Variants in AKAP19 observed in about 807,000 individuals in gnomAD.
The protein encoded by AKAP19 is small A-kinase anchoring protein.
At chr2:190,097,879 A>AG in the AKAP19 span, among the ~76,000 whole-genome samples, 2 of 143,150 alleles carry the variant, frequency 1.4e-5, no homozygotes, top group South Asian at 4.3e-4. Context: ...AAAAAAAAAA[A>AG]AAGAAAAGAA....
At chr2:190,006,031 G>A in the AKAP19 span, among the ~76,000 whole-genome samples, 2 of 152,096 alleles carry the variant, frequency 1.3e-5, no homozygotes, top group Non-Finnish European at 2.9e-5. Context: ...TCCAGTGGAG[G>A]TGCAAGTGAG....
chr2:190,122,969 C>T, the AKAP19 span, among the ~76,000 whole-genome samples: 1 of 152,100 alleles, frequency 6.6e-6, no homozygotes, highest in East Asian at 1.9e-4. Flanking sequence ...ACCACCATGC[C>T]TGGCTAATTA....
the AKAP19 span, among the ~76,000 whole-genome samples, chr2:190,032,089 T>C: frequency 1.1e-3 from 174 of 152,318 alleles, 1 homozygote; most frequent in Non-Finnish European, 2.1e-3. Context: ...TCAAATATTC[T>C]CTTTTTTGCA....
At chr2:190,147,730 ATTTCTAAGGTTTT>A in the AKAP19 span, among the ~76,000 whole-genome samples, 2 of 106,488 alleles carry the variant, frequency 1.9e-5, no homozygotes, top group Non-Finnish European at 4.1e-5. Flanking sequence ...GGTTAGGTAT[ATTTCTAAGGTTTT>A]TTTTTTGTTG....
At chr2:189,920,569 A>G in the AKAP19 span, among the ~76,000 whole-genome samples, 9 of 152,290 alleles carry the variant, frequency 5.9e-5, no homozygotes, top group African/African-American at 1.9e-4. Flanking sequence ...ATCTTAATGG[A>G]TAAGAAGCAA....
the AKAP19 span, among the ~76,000 whole-genome samples, chr2:190,091,646 AT>A: frequency 6.6e-6 from 1 of 152,110 alleles, no homozygotes; most frequent in Non-Finnish European, 1.5e-5. Flanking sequence ...GATTGTGTAA[AT>A]TATGTCTTAA....
the AKAP19 span, among the ~76,000 whole-genome samples, chr2:190,105,851 A>T: frequency 6.6e-6 from 1 of 152,148 alleles, no homozygotes; most frequent in African/African-American, 2.4e-5. Context: ...TCTGTTTATC[A>T]CACTAAACAG....
the AKAP19 span, among the ~76,000 whole-genome samples, chr2:190,069,922 A>G: frequency 6.6e-6 from 1 of 152,212 alleles, no homozygotes; most frequent in Non-Finnish European, 1.5e-5. Flanking sequence ...TGAGGCCCAG[A>G]GAGAGGTTAT....
the AKAP19 span, among the ~76,000 whole-genome samples, chr2:189,910,153 C>T: frequency 6.6e-6 from 1 of 151,950 alleles, no homozygotes; most frequent in Non-Finnish European, 1.5e-5. Context: ...AAATGTGCAA[C>T]TACAAGTGAA....
chr2:190,010,105 G>T, the AKAP19 span, among the ~76,000 whole-genome samples: 1 of 152,108 alleles, frequency 6.6e-6, no homozygotes, highest in East Asian at 1.9e-4. Flanking sequence ...CTCTTTGTAA[G>T]AAATAAAACA....
chr2:190,170,936 C>G, the AKAP19 span, among the ~76,000 whole-genome samples: 346 of 152,250 alleles, frequency 2.3e-3, 3 homozygotes, highest in African/African-American at 7.2e-3. Context: ...GTAGCAATGT[C>G]TCAAGAATTG....
At chr2:190,115,288 T>TATATATATATATAC in the AKAP19 span, among the ~76,000 whole-genome samples, 1 of 8,634 alleles carries the variant, frequency 1.2e-4, no homozygotes, top group Non-Finnish European at 2.5e-4. Flanking sequence ...TATATATATA[T>TATATATATATATAC]ATATATATAT....
the AKAP19 span, among the ~76,000 whole-genome samples, chr2:190,155,748 T>C: frequency 3.3e-5 from 5 of 152,126 alleles, no homozygotes; most frequent in South Asian, 2.1e-4. Context: ...TTTAGAATAG[T>C]CATTGGAATA....
chr2:190,165,933 C>A, the AKAP19 span, among the ~76,000 whole-genome samples: 1 of 151,938 alleles, frequency 6.6e-6, no homozygotes, highest in Non-Finnish European at 1.5e-5. Context: ...CTTCAAAGAG[C>A]CAAGGGAACA....
the AKAP19 span, among the ~76,000 whole-genome samples, chr2:190,135,688 T>C: frequency 6.6e-6 from 1 of 152,206 alleles, no homozygotes; most frequent in East Asian, 1.9e-4. Context: ...TTTCCTCATT[T>C]GAAAAATAGG....
chr2:190,007,689 G>T, the AKAP19 span, among the ~76,000 whole-genome samples: 1 of 152,204 alleles, frequency 6.6e-6, no homozygotes, highest in East Asian at 1.9e-4. Flanking sequence ...GGCCAGGCGC[G>T]GTGGCTTACG....
the AKAP19 span, among the ~76,000 whole-genome samples, chr2:190,135,334 C>CTTGT: frequency 1.3e-5 from 2 of 152,094 alleles, no homozygotes; most frequent in Admixed American, 1.3e-4. Context: ...ATCATGGGAG[C>CTTGT]TTGTTTGAAA....
At chr2:190,088,266 G>A in the AKAP19 span, among the ~76,000 whole-genome samples, 13 of 152,222 alleles carry the variant, frequency 8.5e-5, no homozygotes, top group African/African-American at 2.6e-4. Context: ...TTTAAGGAGT[G>A]GAGAAAGAGA....
chr2:190,019,090 T>C, the AKAP19 span, among the ~76,000 whole-genome samples: 6 of 152,294 alleles, frequency 3.9e-5, no homozygotes, highest in Middle Eastern at 3.4e-3. Flanking sequence ...AGTCACTGCT[T>C]AGGATAGATG....
Sources: gnomAD v4.1 joint callset for allele counts (sites outside exome capture counted in the v4.1 genomes callset) on GRCh38, gnomAD v4.1.1 for gene constraint, MANE v1.5 for transcripts, NCBI Gene and HGNC (gene_info 2026-07-23, HGNC 2026-07-21) for gene names.